The following NEUROD1 variants were observed in gnomAD, a reference collection of about 807,000 sequenced individuals.
The protein encoded by NEUROD1 is neuronal differentiation 1.
A neutral mutation model predicts 21.8 loss-of-function variants in NEUROD1; 9 were observed. The observed-to-expected ratio is 0.41, with a 90% CI of 0.25 to 0.72. The LOEUF is 0.72. NEUROD1 is among the 30% of genes least tolerant of loss of function. The probability of loss-of-function intolerance (pLI) is 0.31; values close to 1 mark genes in which losing one functional copy is unlikely to be tolerated. For synonymous variants in NEUROD1, 199 were observed against 186.2 expected, an observed-to-expected ratio of 1.07 and a Z score of -0.56; for missense variants, 434 against 468.8, an observed-to-expected ratio of 0.93 and a Z score of 0.69.
At position 181,678,365 on chromosome 2, in the gene NEUROD1, C is replaced by T. The variant is rs760018235; in HGVS notation, c.496G>A (p.Val166Ile). The change falls in exon 2 of 2, where the codon GTC (valine) becomes ATC (isoleucine). Residue 166 changes from valine to isoleucine, a missense_variant. By Grantham distance (29) the Val-to-Ile change is conservative. Coordinates refer to ENST00000295108, the MANE Select transcript of NEUROD1 (RefSeq NM_002500.5). The surrounding 1 kb of genome is among the most constrained non-coding windows in gnomAD (Gnocchi z 5.5). ...TTGCAAAGCGTCTGAACGAAGGAGA[C>T]CAGGTCTGGGCTTTTGCCTGAGCGC... is the stretch of plus-strand genomic sequence containing the variant. ...ILRSGKSPDL[V>I]SFVQTLCKGL... 1.2e-6 allele frequency: 2 copies of T among 1,614,074 alleles called. No homozygotes were observed. The highest frequency in any genetic ancestry group is 1.7e-6 in the Non-Finnish European group (2 of 1,180,054).
downstream of NEUROD1, among the ~76,000 whole-genome samples, chr2:181,669,645 TA>T (rs908451415): frequency 6.6e-6 from 1 of 152,164 alleles, no homozygotes; most frequent in African/African-American, 2.4e-5. Flanking sequence ...TTCAGTGGCT[TA>T]AAAAAATAAA....
At chr2:181,679,875 C>T (rs182594394) in intron 1 of NEUROD1, among the ~76,000 whole-genome samples, 1 of 152,318 alleles carries the variant, frequency 6.6e-6, no homozygotes, top group South Asian at 2.1e-4. Flanking sequence ...GCCTCTGGAG[C>T]GGTAACAGGT....
chr2:181,679,670 A>T (rs1415393479), intron 1 of NEUROD1, among the ~76,000 whole-genome samples: 1 of 152,248 alleles, frequency 6.6e-6, no homozygotes, highest in Admixed American at 6.5e-5. Flanking sequence ...TCTAATAAAC[A>T]GCCCATTGAA....
chr2:181,678,349 G>A lies in NEUROD1; in HGVS notation c.512C>T (p.Thr171Met), dbSNP rs1390171738. The A allele has an allele frequency of 2.5e-6, 4 of 1,614,100 alleles. No homozygotes were observed. Among genetic ancestry groups the A allele is most frequent in the Admixed American group, 1.7e-5 (1 of 60,010 alleles). The change falls in exon 2 of 2, where the codon ACG becomes ATG. Residue 171 changes from threonine to methionine, a missense_variant. Transcript: ENST00000295108. The surrounding 1 kb of genome is among the most constrained non-coding windows in gnomAD (Gnocchi z 5.5). Reference protein sequence around the residue: ...KSPDLVSFVQTLCKGLSQPTT... With the variant: ...KSPDLVSFVQMLCKGLSQPTT... ...GGGTTGGGATAAGCCCTTGCAAAGC[G>A]TCTGAACGAAGGAGACCAGGTCTGG...
intron 1 of NEUROD1, among the ~76,000 whole-genome samples, chr2:181,679,220 C>T (rs953884314): frequency 6.6e-6 from 1 of 151,230 alleles, no homozygotes; most frequent in Non-Finnish European, 1.5e-5. Context: ...CTGTACATTT[C>T]AGCGACTTCA....
At chr2:181,669,238 C>G (rs1223592982), downstream of NEUROD1, among the ~76,000 whole-genome samples, 1 of 152,150 alleles carries the variant, frequency 6.6e-6, no homozygotes, top group Non-Finnish European at 1.5e-5. Flanking sequence ...AAACCCATCT[C>G]AAACCAGCTT....
downstream of NEUROD1, among the ~76,000 whole-genome samples, chr2:181,669,613 T>C (rs539817681): frequency 3.2e-4 from 49 of 152,356 alleles, no homozygotes; most frequent in South Asian, 2.3e-3. Context: ...GAGGCAGAGT[T>C]ATGATGTGGT....
downstream of NEUROD1, among the ~76,000 whole-genome samples, chr2:181,670,091 G>T (rs574413056): frequency 6.6e-6 from 1 of 152,300 alleles, no homozygotes; most frequent in African/African-American, 2.4e-5. Context: ...AATCGGGAAA[G>T]TGCTACATTT....
rs1235697902 is a variant in NEUROD1 at position 181,677,960 on chromosome 2, T to C, written c.901A>G (p.Met301Val). The part of the protein sequence containing the change: ...AEFEKNYAFT[M>V]HYPAATLAGA... ...GCCAGTGTCGCTGCAGGATAGTGCATGGTAAAGGCATAATTTTTCTCAAAC... is the reference window on the plus strand; with the variant it reads ...GCCAGTGTCGCTGCAGGATAGTGCACGGTAAAGGCATAATTTTTCTCAAAC... The change falls in exon 2 of 2, where the codon ATG becomes GTG. Residue 301 changes from methionine to valine, a missense_variant. Met to Val is a conservative substitution (Grantham distance 21). Transcript: ENST00000295108. 8 of 1,614,036 alleles carry C rather than the reference T, an allele frequency of 5.0e-6. No individual in the cohort carries two copies. The highest frequency in any genetic ancestry group is 6.8e-6 in the Non-Finnish European group (8 of 1,180,038).
chr2:181,674,855 G>T (rs1393624653), downstream of NEUROD1, among the ~76,000 whole-genome samples: 3 of 151,372 alleles, frequency 2.0e-5, no homozygotes, highest in South Asian at 2.1e-4. Context: ...CCTTACAAAA[G>T]AACACAGTCT....
Position 181,677,713 on chromosome 2 carries a change from G to T in NEUROD1, c.*77C>A. 2 of 1,610,910 alleles carry T rather than the reference G, an allele frequency of 1.2e-6. No homozygotes were observed. The highest frequency in any genetic ancestry group is 1.1e-5 in the South Asian group (1 of 90,560). On this transcript the variant is annotated 3_prime_UTR_variant, in exon 2 of 2. Coordinates refer to ENST00000295108, the MANE Select transcript of NEUROD1 (RefSeq NM_002500.5). ...CACTTTGCAGCAGTAGTACCCAAAG[G>T]GCTGCCTTTTGTAAACACGACAGTC...
chr2:181,669,927 G>A (rs1255578844), downstream of NEUROD1, among the ~76,000 whole-genome samples: 1 of 152,150 alleles, frequency 6.6e-6, no homozygotes, highest in Non-Finnish European at 1.5e-5. Flanking sequence ...AGCCTCTTAA[G>A]CTCACCAGAA....
chr2:181,677,897 C>G lies in NEUROD1; in HGVS notation c.964G>C (p.Ala322Pro). The G allele has an allele frequency of 1.2e-6, 2 of 1,614,176 alleles. No homozygotes were observed. Among genetic ancestry groups the G allele is most frequent in the Non-Finnish European group, 1.7e-6 (2 of 1,180,020 alleles). ...ATGGGGATCTCGCAGCGAGGGGCAG[C>G]GGTGCCTGAGAAGATTGATCCGTGG... ...QSHGSIFSGTAAPRCEIPIDN... is the reference protein window; with the variant it reads ...QSHGSIFSGTPAPRCEIPIDN... Residue 322 changes from alanine (A) to proline (P), a missense_variant, in exon 2 of 2, where the codon GCT (alanine) becomes CCT (proline). By Grantham distance (27) the Ala-to-Pro change is conservative (BLOSUM62 -1). Transcript: ENST00000295108.
chr2:181,678,662 C>T lies in NEUROD1; in HGVS notation c.199G>A (p.Glu67Lys), dbSNP rs1208772312. The T allele has an allele frequency of 6.2e-7, 1 of 1,612,862 alleles. No homozygotes were observed. Among genetic ancestry groups the T allele is most frequent in the Non-Finnish European group, 8.5e-7 (1 of 1,179,450 alleles). The change falls in exon 2 of 2, where the codon GAA (glutamate) becomes AAA (lysine). Residue 67 changes from glutamate to lysine, a missense_variant. Transcript: ENST00000295108. The surrounding 1 kb of genome is among the most constrained non-coding windows in gnomAD (Gnocchi z 5.5). ...TCCTCTTCCTCTTCTTCCTCCTCTT[C>T]CAGGTCCTCATCTTCGTCCTCCTCC... ...GEEEDEDEDL[E>K]EEEEEEEEDD...
chr2:181,669,550 G>T (rs1483885007), downstream of NEUROD1, among the ~76,000 whole-genome samples: 1 of 152,128 alleles, frequency 6.6e-6, no homozygotes, highest in Non-Finnish European at 1.5e-5. Context: ...TTCCAATAAA[G>T]TCTTCTTGCA....
At chr2:181,672,905 T>G, downstream of NEUROD1, among the ~76,000 whole-genome samples, 1 of 152,242 alleles carries the variant, frequency 6.6e-6, no homozygotes, top group East Asian at 1.9e-4. Flanking sequence ...GCTTTTGATC[T>G]TGTTAAAAGA....
At position 181,678,179 on chromosome 2, in the gene NEUROD1, T is replaced by A; in HGVS notation, c.682A>T (p.Ser228Cys). 6.2e-7 allele frequency: 1 copy of A among 1,614,112 alleles called. No individual in the cohort carries two copies. The highest frequency in any genetic ancestry group is 8.5e-7 in the Non-Finnish European group (1 of 1,180,004). ...PYSYQSPGLP[S>C]PPYGTMDSSH... is the part of the protein sequence containing the mutation. ...CTGTCCATGGTACCGTAAGGCGGAC[T>A]GGGCAGCCCAGGCGACTGGTAGGAG... Residue 228 changes from serine (S) to cysteine (C), a missense_variant, in exon 2 of 2, where the codon AGT becomes TGT. Coordinates refer to ENST00000295108, the MANE Select transcript of NEUROD1 (RefSeq NM_002500.5). The surrounding 1 kb of genome is among the most constrained non-coding windows in gnomAD (Gnocchi z 5.5).
At position 181,678,248 on chromosome 2, in the gene NEUROD1, G is replaced by A. The variant is rs1688625476; in HGVS notation, c.613C>T (p.Pro205Ser). The A allele has an allele frequency of 1.1e-5, 17 of 1,614,170 alleles. No individual in the cohort carries two copies. The highest frequency in any genetic ancestry group is 1.4e-5 in the Non-Finnish European group (17 of 1,180,024). Residue 205 changes from proline to serine, a missense_variant, in exon 2 of 2, where the codon CCC (proline) becomes TCC (serine). Transcript: ENST00000295108. This position sits in a 1 kb window ranked among gnomAD's most constrained non-coding sequence, Gnocchi z 5.5. ...GAAGCGCTGGCCGTCGGCAGGTGGGGGGGCATGTCCTGGTTCTGCTCAGGC... is the reference window on the plus strand; with the variant it reads ...GAAGCGCTGGCCGTCGGCAGGTGGGAGGGCATGTCCTGGTTCTGCTCAGGC... ...FLPEQNQDMP[P>S]HLPTASASFP...
downstream of NEUROD1, among the ~76,000 whole-genome samples, chr2:181,672,755 T>C (rs1259760964): frequency 6.6e-6 from 1 of 152,106 alleles, no homozygotes; most frequent in Non-Finnish European, 1.5e-5. Flanking sequence ...CTTCCTGAAG[T>C]TTCCCCATCT....
Sources: allele counts gnomAD v4.1 joint callset (sites outside exome capture counted in the v4.1 genomes callset), GRCh38; gene constraint gnomAD v4.1.1; non-coding constraint Gnocchi (gnomAD v3.1); transcripts MANE v1.5; gene names NCBI Gene and HGNC (gene_info 2026-07-23, HGNC 2026-07-21).